Variants in DYRK4 observed in about 807,000 individuals in gnomAD.
The protein encoded by DYRK4 is dual specificity tyrosine-phosphorylation-regulated kinase 4.
Under a neutral mutation model 68.3 loss-of-function variants are expected in DYRK4, and 64 were observed. The ratio of observed to expected loss-of-function variants is 0.94; its 90% CI spans 0.77 to 1.15. The LOEUF (loss-of-function observed/expected upper bound fraction) is 1.15. Among genes scored for constraint, DYRK4 ranks in the 50% most tolerant of loss-of-function variants. DYRK4 has a pLI of 0.00. For missense variants in DYRK4, 740 were observed against 764.7 expected, an observed-to-expected ratio of 0.97 and a Z score of 0.38; for synonymous variants, 274 against 289.9, an observed-to-expected ratio of 0.95 and a Z score of 0.56.
chr12:4,602,680 C>G, intron 10 of DYRK4: 3 of 1,435,738 alleles, frequency 2.1e-6, no homozygotes, highest in Non-Finnish European at 2.9e-6. Context: ...ATTTTCTGTA[C>G]TATTTGCATT....
At chr12:4,601,824 T>G (rs758130565) in intron 10 of DYRK4, among the ~76,000 whole-genome samples, 2 of 152,068 alleles carry the variant, frequency 1.3e-5, no homozygotes, top group African/African-American at 4.8e-5. Flanking sequence ...TTGCTAAAGA[T>G]TTACATAAGA....
Position 4,580,797 on chromosome 12 carries a change from A to ATTTT in DYRK4, c.133-8130_133-8127dup, listed in dbSNP as rs747948305. 4 of 424,538 alleles carry ATTTT rather than the reference A, an allele frequency of 9.4e-6. No homozygotes were observed. The Admixed American group carries it at 1.0e-4, about 11-fold the overall frequency. 26.3% of individuals were successfully genotyped at this position (424,538 alleles called of 1,614,324 possible). A position where few individuals can be genotyped will look rare whatever the true frequency, so the allele number is the denominator to read the frequency against. On this transcript the variant is annotated intron_variant, in intron 2 of 14. Transcript: ENST00000543431. ...CCATCCAACCACCAGGCACTTAGGG[A>ATTTT]TTTTTTTTTTTTTAAATGGGAAACA... is the stretch of plus-strand genomic sequence containing the variant.
intron 2 of DYRK4, among the ~76,000 whole-genome samples, chr12:4,586,481 C>T (rs1031112911): frequency 8.5e-5 from 13 of 152,140 alleles, no homozygotes; most frequent in Admixed American, 1.3e-4. Context: ...AGAGCACACC[C>T]GCTTCCTTTT....
chr12:4,578,728 C>G (rs1944812455), intron 2 of DYRK4, among the ~76,000 whole-genome samples: 1 of 152,180 alleles, frequency 6.6e-6, no homozygotes, highest in African/African-American at 2.4e-5. Context: ...GTGGAAAAGC[C>G]TGAGTCTGAG....
intron 2 of DYRK4, among the ~76,000 whole-genome samples, chr12:4,583,404 G>A (rs1471069852): frequency 1.3e-5 from 2 of 151,832 alleles, no homozygotes; most frequent in East Asian, 1.9e-4. Flanking sequence ...TCGTTCACCC[G>A]CATTTGGGCC....
intron 2 of DYRK4, among the ~76,000 whole-genome samples, chr12:4,587,744 A>G (rs1202741057): frequency 2.0e-5 from 3 of 152,160 alleles, no homozygotes; most frequent in South Asian, 2.1e-4. Context: ...GACTGTCCCA[A>G]ATAGTCCTCA....
At chr12:4,592,919 C>A in intron 5 of DYRK4, 83 bp from the exon 6 acceptor site, 1 of 1,534,816 alleles carries the variant, frequency 6.5e-7, no homozygotes, top group Non-Finnish European at 8.8e-7. Context: ...GGCTCGTGAC[C>A]TGGAAGGGAT....
intron 2 of DYRK4, among the ~76,000 whole-genome samples, chr12:4,581,468 G>T (rs1013370993): frequency 6.6e-6 from 1 of 152,202 alleles, no homozygotes; most frequent in African/African-American, 2.4e-5. Context: ...AATTGCAGCT[G>T]CCTTTGAGAG....
At chr12:4,563,068 G>A (rs1259145939) in intron 1 of DYRK4, 4 of 456,090 alleles carry the variant, frequency 8.8e-6, no homozygotes, top group Middle Eastern at 3.3e-4. Flanking sequence ...CTTAAGTGGA[G>A]ACTCGGCAAA....
chr12:4,565,696 G>A (rs868204745), intron 1 of DYRK4, among the ~76,000 whole-genome samples: 29 of 151,132 alleles, frequency 1.9e-4, no homozygotes, highest in African/African-American at 4.6e-4. Flanking sequence ...TGCAATCTCC[G>A]CTCACTGCAA....
intron 1 of DYRK4, among the ~76,000 whole-genome samples, chr12:4,563,589 T>C (rs1944650041): frequency 6.6e-6 from 1 of 152,152 alleles, no homozygotes; most frequent in African/African-American, 2.4e-5. Context: ...TAATCCAGAC[T>C]CTAGAAACTG....
chr12:4,580,577 C>A (rs1944831628), intron 2 of DYRK4, among the ~76,000 whole-genome samples: 1 of 152,218 alleles, frequency 6.6e-6, no homozygotes, highest in South Asian at 2.1e-4. Flanking sequence ...TGATGCTCTG[C>A]TGAGCCTAAT....
At chr12:4,588,626 A>G (rs1944921674) in intron 2 of DYRK4, among the ~76,000 whole-genome samples, 1 of 152,116 alleles carries the variant, frequency 6.6e-6, no homozygotes, top group Non-Finnish European at 1.5e-5. Flanking sequence ...CTCAGCTGTT[A>G]CTCCTTACCG....
rs1945257512 is a variant in DYRK4 at position 4,613,738 on chromosome 12, A to G, written c.1890A>G (p.Leu630=). Residue 630 remains leucine (L), a synonymous_variant, in exon 15 of 15, where the codon TTA becomes TTG. Transcript: ENST00000543431. This position sits in a 1 kb window ranked among gnomAD's most constrained non-coding sequence, Gnocchi z 4.0. The part of the protein sequence containing the change: ...KNFSLKNTNV[L]PPIV Reference sequence around the variant, plus strand: ...TCTCCCTCAAGAACACAAACGTTTTACCCCCTATTGTATGACCTTTGCTGA... The same window carrying G: ...TCTCCCTCAAGAACACAAACGTTTTGCCCCCTATTGTATGACCTTTGCTGA... 6.4e-7 allele frequency: 1 copy of G among 1,567,836 alleles called. No homozygotes were observed. Among genetic ancestry groups the G allele is most frequent in the African/African-American group, 1.4e-5 (1 of 73,894 alleles).
Position 4,591,261 on chromosome 12 carries a change from G to A in DYRK4, c.426G>A (p.Lys142=), listed in dbSNP as rs754725794. 3.1e-6 allele frequency: 5 copies of A among 1,612,566 alleles called. No homozygotes were observed. In the South Asian group the frequency reaches 5.5e-5, roughly 18 times the overall value. The change falls in exon 5 of 15, where the codon AAG becomes AAA. Residue 142 remains lysine (K), a synonymous_variant. Transcript: ENST00000543431. This position sits in a 1 kb window ranked among gnomAD's most constrained non-coding sequence, Gnocchi z 4.1. The stretch of plus-strand genomic sequence containing the variant: ...CCCAGGATCCCAAGGCAGAGGAGAA[G>A]TCACCAAAGAAGCAAAAGGTGACTC... ...IKTQDPKAEE[K]SPKKQKVTLT...
Position 4,599,713 on chromosome 12 carries a change from A to T in DYRK4, c.1051A>T (p.Ile351Leu), listed in dbSNP as rs770478238. ...IIHCDLKPEN[I>L]VLYQKGQASV... ...TGTCTTTTCTTCTCTCTAGGAAAAT[A>T]TAGTGCTATACCAAAAGGGCCAAGC... The change falls in exon 10 of 15, where the codon ATA becomes TTA. Residue 351 changes from isoleucine to leucine, a missense_variant. This residue lies in a region of DYRK4 where 614 missense variants were observed against 603.7 expected (regional missense o/e 1.02). Coordinates refer to ENST00000543431, the MANE Select transcript of DYRK4 (RefSeq NM_001394779.1). 6.2e-7 allele frequency: 1 copy of T among 1,613,436 alleles called. No homozygotes were observed.
chr12:4,580,810 TA>T (rs749190507), intron 2 of DYRK4: 30 of 452,860 alleles, frequency 6.6e-5, no homozygotes, highest in African/African-American at 3.8e-4. Context: ...TTTTTTTTTT[TA>T]AATGGGAAAC....
chr12:4,593,031 T>A lies in DYRK4; in HGVS notation c.493T>A (p.Ser165Thr), dbSNP rs1163489988. The A allele has an allele frequency of 3.7e-6, 6 of 1,614,116 alleles. No individual in the cohort carries two copies. Among genetic ancestry groups the A allele is most frequent in the Non-Finnish European group, 5.1e-6 (6 of 1,179,990 alleles). The change falls in exon 6 of 15, where the codon TCT becomes ACT. Residue 165 changes from serine (S) to threonine (T), a missense_variant. Coordinates refer to ENST00000543431, the MANE Select transcript of DYRK4 (RefSeq NM_001394779.1). ...CCTAAAGCTTTTTAAGAACCAGCTG[T>A]CTCCATATGAACAAAGTGAAATCCT... ...EALKLFKNQL[S>T]PYEQSEILGY...
intron 2 of DYRK4, among the ~76,000 whole-genome samples, chr12:4,570,040 AAATAATAAT>A (rs58464815): frequency 0.06 from 8,466 of 141,192 alleles, 467 homozygotes; most frequent in African/African-American, 0.15. Flanking sequence ...CTGTCGCTAT[AAATAATAAT>A]AATAATAATA....
Sources: allele counts gnomAD v4.1 joint callset (sites outside exome capture counted in the v4.1 genomes callset), GRCh38; gene constraint gnomAD v4.1.1; regional missense constraint gnomAD v4.1.1; non-coding constraint Gnocchi (gnomAD v3.1); transcripts MANE v1.5; gene names NCBI Gene and HGNC (gene_info 2026-07-23, HGNC 2026-07-21).